Variants in NELL1 observed in about 807,000 individuals in gnomAD.
NELL1 encodes the protein neural EGFL like 1, also known as protein kinase C-binding protein NELL1.
Under a neutral mutation model 107.4 loss-of-function variants are expected in NELL1, and 76 were observed. That is an observed-to-expected ratio of 0.71 (90% CI 0.59 to 0.86). The LOEUF (loss-of-function observed/expected upper bound fraction) is 0.86. NELL1 is among the 40% of genes least tolerant of loss of function. The pLI is 0.00. For missense variants in NELL1, 1,024 were observed against 1,005.5 expected (o/e 1.02, Z -0.25); for synonymous variants, 353 against 341.2 (o/e 1.03, Z -0.38).
In NELL1 at chr11:21,496,405, C is replaced by CTTTTT. The variant is rs1206711700; in HGVS notation, c.1646-37967_1646-37966insTTTTT. Among the ~76,000 whole-genome samples, 30 of 141,276 alleles carry CTTTTT rather than the reference C, an allele frequency of 2.1e-4. No homozygotes were observed. The East Asian group carries it at 3.7e-3, about 17-fold the overall frequency. 92.7% of individuals were successfully genotyped at this position (141,276 alleles called of 152,430 possible). ...AATTTAAACATATTTTTATTCTTCT[C>CTTTTT]TTGTTTTTTTTTTTTTTTTTCTTGA... is the stretch of plus-strand genomic sequence containing the variant. On this transcript the variant is annotated intron_variant, in intron 15 of 19. Coordinates refer to ENST00000357134, the MANE Select transcript of NELL1 (RefSeq NM_006157.5).
At chr11:20,957,655 AG>A (rs1851204008) in intron 11 of NELL1, among the ~76,000 whole-genome samples, 1 of 152,166 alleles carries the variant, frequency 6.6e-6, no homozygotes, top group Non-Finnish European at 1.5e-5. Context: ...TTTTTTAAAA[AG>A]GAAATTTAAA....
chr11:21,303,672 GA>G (rs1849546360), intron 14 of NELL1, among the ~76,000 whole-genome samples: 1 of 152,022 alleles, frequency 6.6e-6, no homozygotes, highest in Admixed American at 6.6e-5. Flanking sequence ...TTACTCAAAG[GA>G]AAAGAAATCA....
At chr11:21,024,321 A>C (rs899567682) in intron 12 of NELL1, among the ~76,000 whole-genome samples, 1 of 152,116 alleles carries the variant, frequency 6.6e-6, no homozygotes, top group Non-Finnish European at 1.5e-5. Context: ...TTTATCATTA[A>C]TTTGACTACA....
At chr11:21,169,160 T>A (rs1474111134) in intron 13 of NELL1, among the ~76,000 whole-genome samples, 1 of 151,852 alleles carries the variant, frequency 6.6e-6, no homozygotes, top group Non-Finnish European at 1.5e-5. Flanking sequence ...TTTATAGGGA[T>A]CATGGTGACC....
chr11:21,220,225 G>A (rs965974385), intron 13 of NELL1, among the ~76,000 whole-genome samples: 3 of 152,126 alleles, frequency 2.0e-5, no homozygotes, highest in African/African-American at 7.2e-5. Flanking sequence ...CTGGGTATCT[G>A]TTTTTATGCC....
At chr11:20,895,047 G>A (rs900328628) in intron 5 of NELL1, among the ~76,000 whole-genome samples, 1 of 142,770 alleles carries the variant, frequency 7.0e-6, no homozygotes, top group Non-Finnish European at 1.5e-5. Flanking sequence ...CGAGGCGGGC[G>A]GATCACGAGG....
chr11:21,561,161 T>C (rs1856842033), intron 17 of NELL1, among the ~76,000 whole-genome samples: 1 of 152,092 alleles, frequency 6.6e-6, no homozygotes, highest in South Asian at 2.1e-4. Context: ...ATCTTGAGCT[T>C]TATGTGCATG....
intron 14 of NELL1, among the ~76,000 whole-genome samples, chr11:21,363,000 G>A (rs895337585): frequency 2.6e-5 from 4 of 152,124 alleles, no homozygotes; most frequent in Non-Finnish European, 4.4e-5. Flanking sequence ...TACAGTTGGC[G>A]AGACCAGTCT....
intron 13 of NELL1, among the ~76,000 whole-genome samples, chr11:21,130,037 A>G (rs1352368594): frequency 6.6e-6 from 1 of 152,220 alleles, no homozygotes; most frequent in East Asian, 1.9e-4. Flanking sequence ...CTTTACTACC[A>G]TAGGTATATG....
rs569295057 is a variant in NELL1 at position 20,736,563 on chromosome 11, C to A, written c.185-47117C>A. ...GGTCTGCTTGGTCTGTGGAATTTCTCAGGCCTGCTCTTTATTGTCCATTGT... is the reference window on the plus strand; with the variant it reads ...GGTCTGCTTGGTCTGTGGAATTTCTAAGGCCTGCTCTTTATTGTCCATTGT... On this transcript the variant is annotated intron_variant, in intron 2 of 19. Transcript: ENST00000357134. 3.3e-5 allele frequency among the ~76,000 whole-genome samples: 5 copies of A among 152,282 alleles called. No homozygotes were observed. The South Asian group carries it at 8.3e-4, about 25-fold the overall frequency.
intron 3 of NELL1, among the ~76,000 whole-genome samples, chr11:20,798,746 A>G (rs894842788): frequency 1.3e-5 from 2 of 152,180 alleles, no homozygotes; most frequent in African/African-American, 4.8e-5. Flanking sequence ...GAAGACCTGG[A>G]CTCAAGGCTC....
chr11:21,005,246 A>G (rs1274767983), intron 12 of NELL1, among the ~76,000 whole-genome samples: 1 of 152,224 alleles, frequency 6.6e-6, no homozygotes, highest in Non-Finnish European at 1.5e-5. Context: ...CATTTAAGCC[A>G]CTTAAAATTA....
At chr11:21,494,120 A>C (rs767323582) in intron 15 of NELL1, among the ~76,000 whole-genome samples, 2 of 152,042 alleles carry the variant, frequency 1.3e-5, no homozygotes. Context: ...AATGTATTTA[A>C]TAATTTTTAG....
intron 14 of NELL1, among the ~76,000 whole-genome samples, chr11:21,299,513 G>GTA (rs1337611697): frequency 6.4e-3 from 11 of 1,728 alleles, no homozygotes; most frequent in African/African-American, 0.015. Flanking sequence ...TGTCTTATAT[G>GTA]TGTGTGTGTG....
At chr11:21,072,546 A>G (rs140325302) in intron 12 of NELL1, among the ~76,000 whole-genome samples, 3 of 152,310 alleles carry the variant, frequency 2.0e-5, no homozygotes, top group Admixed American at 1.3e-4. Context: ...TCTATGAGGA[A>G]TATAGCACAG....
intron 15 of NELL1, among the ~76,000 whole-genome samples, chr11:21,387,317 A>G (rs1327518868): frequency 6.6e-6 from 1 of 151,804 alleles, no homozygotes; most frequent in African/African-American, 2.4e-5. Context: ...CATTAAAGAC[A>G]CTAAAAGTAT....
intron 4 of NELL1, among the ~76,000 whole-genome samples, chr11:20,868,302 T>A (rs1440223437): frequency 6.6e-6 from 1 of 152,176 alleles, no homozygotes; most frequent in East Asian, 1.9e-4. Flanking sequence ...ACAAATATTA[T>A]AAGATTTCAT....
intron 13 of NELL1, among the ~76,000 whole-genome samples, chr11:21,147,599 G>A (rs1487691624): frequency 2.6e-5 from 4 of 151,888 alleles, no homozygotes; most frequent in African/African-American, 4.8e-5. Context: ...TTGGGAGGCC[G>A]AGGTGGGTGG....
At chr11:21,505,419 T>C (rs1855255001) in intron 15 of NELL1, among the ~76,000 whole-genome samples, 1 of 152,158 alleles carries the variant, frequency 6.6e-6, no homozygotes, top group African/African-American at 2.4e-5. Flanking sequence ...TTTCCCATTA[T>C]CTACTGGATG....
Sources: gnomAD v4.1 joint callset for allele counts (sites outside exome capture counted in the v4.1 genomes callset) on GRCh38, gnomAD v4.1.1 for gene constraint, MANE v1.5 for transcripts, NCBI Gene and HGNC (gene_info 2026-07-23, HGNC 2026-07-21) for gene names.